The following ZMYM2 variants were observed in gnomAD, a reference collection of about 807,000 sequenced individuals.
ZMYM2 encodes the protein zinc finger MYM-type containing 2, also known as zinc finger MYM-type protein 2.
In ZMYM2, 56 loss-of-function variants were observed where a neutral mutation model predicts 162.8. The observed-to-expected ratio is 0.34, with a 90% CI of 0.28 to 0.43. ZMYM2 has a LOEUF of 0.43. ZMYM2 is among the 20% of genes least tolerant of loss of function. The pLI, the probability that ZMYM2 is intolerant of heterozygous loss-of-function variation, is 1.00. For synonymous variants in ZMYM2, 510 were observed against 541.6 expected, an observed-to-expected ratio of 0.94 and a Z score of 0.81; for missense variants, 1,275 against 1,621.8, an observed-to-expected ratio of 0.79 and a Z score of 3.67.
the ZMYM2 span, among the ~76,000 whole-genome samples, chr13:19,927,746 T>A: frequency 6.6e-6 from 1 of 152,218 alleles, no homozygotes; most frequent in Non-Finnish European, 1.5e-5. Context: ...TGGACTCATT[T>A]ATACTTCAGG....
At chr13:20,063,509 G>C (rs961732211) in intron 18 of ZMYM2, among the ~76,000 whole-genome samples, 2 of 151,458 alleles carry the variant, frequency 1.3e-5, no homozygotes, top group South Asian at 2.1e-4. Context: ...ATCTGGGTGC[G>C]GTGGCTTATG....
At chr13:19,879,027 GACTGTACCTTT>G in the ZMYM2 span, among the ~76,000 whole-genome samples, 4 of 152,152 alleles carry the variant, frequency 2.6e-5, no homozygotes, top group South Asian at 8.3e-4. Flanking sequence ...TTCTCCTGTT[GACTGTACCTTT>G]ACTGTCAGAA....
the ZMYM2 span, among the ~76,000 whole-genome samples, chr13:19,927,903 G>A: frequency 6.6e-6 from 1 of 152,068 alleles, no homozygotes. Context: ...ATAAAATTGA[G>A]CATCTTTTAA....
the ZMYM2 span, among the ~76,000 whole-genome samples, chr13:19,913,743 A>T: frequency 6.6e-6 from 1 of 152,192 alleles, no homozygotes; most frequent in Non-Finnish European, 1.5e-5. Flanking sequence ...AAACAAAAAC[A>T]AAAGCAACCA....
Position 20,051,253 on chromosome 13 carries a change from G to GCATCTTTTTTTTTTTTTTTT in ZMYM2, c.2293-180_2293-179insCATCTTTTTTTTTTTTTTTT, listed in dbSNP as rs369364385. Among the ~76,000 whole-genome samples the GCATCTTTTTTTTTTTTTTTT allele has an allele frequency of 6.7e-5, 5 of 74,210 alleles. 1 individual carries two copies. Among genetic ancestry groups the GCATCTTTTTTTTTTTTTTTT allele is most frequent in the African/African-American group, 4.3e-5 (1 of 23,214 alleles). 48.7% of individuals were successfully genotyped at this position (74,210 alleles called of 152,430 possible). Reference sequence around the variant, plus strand: ...GATGGACTTTGTCAACTGTGAAATTGTATTTTTTTTTTTTTTTTTCATTTA... The same window carrying GCATCTTTTTTTTTTTTTTTT: ...GATGGACTTTGTCAACTGTGAAATTGCATCTTTTTTTTTTTTTTTTTATTTTTTTTTTTTTTTTTCATTTA... On this transcript the variant is annotated intron_variant, in intron 12 of 24. Coordinates refer to ENST00000610343, the MANE Select transcript of ZMYM2 (RefSeq NM_197968.4).
chr13:19,871,487 T>C, the ZMYM2 span, among the ~76,000 whole-genome samples: 1 of 152,104 alleles, frequency 6.6e-6, no homozygotes, highest in Non-Finnish European at 1.5e-5. Flanking sequence ...AGTAGCCAAC[T>C]CCTGTGCTCA....
the ZMYM2 span, among the ~76,000 whole-genome samples, chr13:19,926,763 G>C: frequency 6.6e-6 from 1 of 152,132 alleles, no homozygotes; most frequent in Non-Finnish European, 1.5e-5. Flanking sequence ...TGCCTCCTGT[G>C]CTCAAGTGAT....
the ZMYM2 span, among the ~76,000 whole-genome samples, chr13:19,915,331 G>A: frequency 6.6e-6 from 1 of 152,134 alleles, no homozygotes; most frequent in Non-Finnish European, 1.5e-5. Flanking sequence ...CTGGTCTCAA[G>A]CGATCTTTGC....
At position 20,058,384 on chromosome 13, in the gene ZMYM2, A is replaced by G. The variant is rs144619734; in HGVS notation, c.2494-191A>G. Among the ~76,000 whole-genome samples the G allele has an allele frequency of 6.9e-3, 1,053 of 152,308 alleles. 10 individuals are homozygous for G. The highest frequency in any genetic ancestry group is 0.024 in the African/African-American group (1,002 of 41,558). On this transcript the variant is annotated intron_variant, in intron 14 of 24. Coordinates refer to ENST00000610343, the MANE Select transcript of ZMYM2 (RefSeq NM_197968.4). ...AATGAATAATTGCTACCACTTTGCT[A>G]GTAGTTAGGATAGATTCATATTGAT...
the ZMYM2 span, among the ~76,000 whole-genome samples, chr13:19,885,296 G>C: frequency 6.6e-6 from 1 of 152,306 alleles, no homozygotes; most frequent in South Asian, 2.1e-4. Context: ...AAAGAAACAA[G>C]TCTTTATTTG....
At chr13:19,966,132 G>T (rs527645548) in intron 2 of ZMYM2, among the ~76,000 whole-genome samples, 2,036 of 142,132 alleles carry the variant, frequency 0.014, 37 homozygotes, top group African/African-American at 0.05. Context: ...TTTTGTTTTT[G>T]TTTTGTTTTG....
intron 19 of ZMYM2, among the ~76,000 whole-genome samples, chr13:20,065,491 C>T (rs969783113): frequency 6.6e-6 from 1 of 152,088 alleles, no homozygotes; most frequent in African/African-American, 2.4e-5. Flanking sequence ...GCATTGCAAA[C>T]AGTGCCATCA....
At chr13:20,053,249 CTTG>C (rs754137628) in intron 14 of ZMYM2, among the ~76,000 whole-genome samples, 25 of 152,284 alleles carry the variant, frequency 1.6e-4, no homozygotes, top group Admixed American at 5.2e-4. Flanking sequence ...TGGGCTAGTT[CTTG>C]TTGTGTTACA....
intron 6 of ZMYM2, among the ~76,000 whole-genome samples, chr13:20,017,615 CT>C (rs143348416): frequency 4.2e-4 from 61 of 146,622 alleles, no homozygotes; most frequent in African/African-American, 3.3e-4. Flanking sequence ...ATGAATGTTA[CT>C]TTTTTTTTTT....
intron 6 of ZMYM2, among the ~76,000 whole-genome samples, chr13:20,014,082 G>C (rs1192935427): frequency 6.6e-6 from 1 of 151,986 alleles, no homozygotes; most frequent in Non-Finnish European, 1.5e-5. Context: ...TTGTTTGTTT[G>C]TTTGTTTGTG....
chr13:20,068,615 CCTCTT>C (rs1281823049), intron 21 of ZMYM2, among the ~76,000 whole-genome samples: 2 of 152,094 alleles, frequency 1.3e-5, no homozygotes, highest in African/African-American at 4.8e-5. Flanking sequence ...TATTTTCCCT[CCTCTT>C]CTTTTATTAT....
intron 2 of ZMYM2, among the ~76,000 whole-genome samples, chr13:19,990,033 C>G (rs1228211323): frequency 3.3e-5 from 5 of 152,162 alleles, no homozygotes; most frequent in African/African-American, 1.2e-4. Context: ...CAGTTTTTCC[C>G]TCTTGTTCCC....
chr13:19,994,883 A>G (rs1228418867), intron 3 of ZMYM2, among the ~76,000 whole-genome samples: 2 of 151,854 alleles, frequency 1.3e-5, no homozygotes, highest in African/African-American at 4.8e-5. Context: ...CCCAGAGTGG[A>G]GTAGAGTGGC....
At chr13:20,080,553 T>G (rs1957842656) in intron 21 of ZMYM2, among the ~76,000 whole-genome samples, 1 of 151,960 alleles carries the variant, frequency 6.6e-6, no homozygotes, top group African/African-American at 2.4e-5. Context: ...AGTGGTGTGA[T>G]CTCATGGCTC....
Sources: gnomAD v4.1 joint callset for allele counts (sites outside exome capture counted in the v4.1 genomes callset) on GRCh38, gnomAD v4.1.1 for gene constraint, MANE v1.5 for transcripts, NCBI Gene and HGNC (gene_info 2026-07-23, HGNC 2026-07-21) for gene names.